Variants in PRMT7 observed in about 807,000 individuals in gnomAD.
PRMT7 encodes protein arginine methyltransferase 7.
PRMT7 carries 75 observed loss-of-function variants against 85.4 expected under a neutral mutation model. The ratio of observed to expected loss-of-function variants is 0.88; its 90% confidence interval spans 0.73 to 1.06. PRMT7 has a LOEUF of 1.06. PRMT7 is among the 50% of genes least tolerant of loss of function. PRMT7 has a pLI of 0.00. For missense variants in PRMT7, 868 were observed against 915.2 expected (o/e 0.95, Z 0.67); for synonymous variants, 397 against 359.5 (o/e 1.10, Z -1.18).
At position 68,352,422 on chromosome 16, in the gene PRMT7, G is replaced by A; in HGVS notation, c.1575+13G>A. 4 of 1,575,804 alleles carry A rather than the reference G, an allele frequency of 2.5e-6. No individual in the cohort carries two copies. Among genetic ancestry groups the A allele is most frequent in the Non-Finnish European group, 1.7e-6 (2 of 1,163,120 alleles). ...TGTGGAGTTCAGGGTAGGCCACCCA[G>A]GGGATGTTGGAGAAAAAAGCAGAGG... is the stretch of plus-strand genomic sequence containing the variant. On this transcript the variant is annotated intron_variant, in intron 15 of 18. Transcript: ENST00000441236.
intron 9 of PRMT7, among the ~76,000 whole-genome samples, chr16:68,344,447 T>A (rs568740462): frequency 6.6e-6 from 1 of 152,332 alleles, no homozygotes; most frequent in South Asian, 2.1e-4. Context: ...TCATCTCTGT[T>A]CCGGGCCCCG....
At chr16:68,355,602 A>C in intron 16 of PRMT7, 121 bp from the exon 17 acceptor site, 1 of 1,082,396 alleles carries the variant, frequency 9.2e-7, no homozygotes, top group Non-Finnish European at 1.2e-6. Context: ...GGCGCTCGGC[A>C]TCTTTATGGG....
intron 4 of PRMT7, chr16:68,324,441 T>C: frequency 1.8e-6 from 1 of 544,046 alleles, no homozygotes; most frequent in Middle Eastern, 5.0e-4. Flanking sequence ...TTTGCAGGGC[T>C]CTGGCATCAC....
At chr16:68,345,232 T>C (rs1245200702) in intron 9 of PRMT7, among the ~76,000 whole-genome samples, 2 of 152,226 alleles carry the variant, frequency 1.3e-5, no homozygotes, top group Non-Finnish European at 2.9e-5. Context: ...TCTGACTGTT[T>C]TGTAAATTCC....
chr16:68,340,050 A>AT, intron 9 of PRMT7, 82 bp downstream of exon 9: 1 of 1,404,476 alleles, frequency 7.1e-7, no homozygotes, highest in East Asian at 2.4e-5. Flanking sequence ...TGAGCCTTGG[A>AT]CCCAGGAGAA....
Position 68,358,536 on chromosome 16 carries a change from A to C in PRMT7, c.*1312A>C, listed in dbSNP as rs74024629. 6.5e-6 allele frequency: 1 copy of C among 152,774 alleles called. No individual in the cohort carries two copies. The highest frequency in any genetic ancestry group is 2.1e-4 in the South Asian group (1 of 4,834). 9.5% of individuals were successfully genotyped at this position (152,774 alleles called of 1,614,324 possible). ...AGAAAACCCCTAATGTCCCATGAAG[A>C]TACAATACAGAAAAAAATACAGAAA... On this transcript the variant is annotated 3_prime_UTR_variant, in exon 19 of 19. Coordinates refer to ENST00000441236, the MANE Select transcript of PRMT7 (RefSeq NM_019023.5).
At chr16:68,341,575 A>T (rs1342610666) in intron 9 of PRMT7, among the ~76,000 whole-genome samples, 3 of 152,000 alleles carry the variant, frequency 2.0e-5, no homozygotes, top group Non-Finnish European at 4.4e-5. Flanking sequence ...ATGCCTGGCT[A>T]ATTTTGTATT....
intron 4 of PRMT7, chr16:68,323,821 T>A (rs2082783045): frequency 6.6e-6 from 1 of 152,204 alleles, no homozygotes. Flanking sequence ...TTGCACATAT[T>A]TTTTCCATCA....
At chr16:68,312,229 A>ATATTT (rs1419393129) in intron 2 of PRMT7, 53 bp downstream of exon 2, 56 of 112,678 alleles carry the variant, frequency 5.0e-4, no homozygotes, top group African/African-American at 6.7e-4. Context: ...ATATATATAT[A>ATATTT]TTTTTTTTTT....
intron 3 of PRMT7, among the ~76,000 whole-genome samples, chr16:68,319,570 A>G (rs2082244131): frequency 6.7e-6 from 1 of 149,762 alleles, no homozygotes; most frequent in Admixed American, 6.7e-5. Context: ...GGCTTCAGAT[A>G]TAAAACCTTG....
At chr16:68,354,254 C>G (rs2151920542) in intron 16 of PRMT7, 1 of 152,406 alleles carries the variant, frequency 6.6e-6, no homozygotes, top group South Asian at 2.1e-4. Flanking sequence ...GTAGTGCACA[C>G]CTGTATTCCC....
rs779794823 is a variant in PRMT7, at chr16:68,358,497, G to A, written c.*1273G>A. 2 of 152,622 alleles carry A rather than the reference G, an allele frequency of 1.3e-5. No homozygotes were observed. The highest frequency in any genetic ancestry group is 4.8e-5 in the African/African-American group (2 of 41,442). 9.5% of individuals were successfully genotyped at this position (152,622 alleles called of 1,614,324 possible). A position where few individuals can be genotyped will look rare whatever the true frequency, so the allele number is the denominator to read the frequency against. On this transcript the variant is annotated 3_prime_UTR_variant, in exon 19 of 19. Transcript: ENST00000441236. ...TGATAATGTTTTTACCAAAACCATAGGTGTGCTTACCATAGAAAACCCCTA... is the reference window on the plus strand; with the variant it reads ...TGATAATGTTTTTACCAAAACCATAAGTGTGCTTACCATAGAAAACCCCTA...
intron 4 of PRMT7, among the ~76,000 whole-genome samples, chr16:68,322,009 G>A (rs760659931): frequency 6.6e-6 from 1 of 151,304 alleles, no homozygotes; most frequent in Non-Finnish European, 1.5e-5. Flanking sequence ...GTACAGGGGC[G>A]AGATCTCGGC....
At chr16:68,348,206 A>G (rs1016780433) in intron 13 of PRMT7, 136 bp from the exon 14 acceptor site, 18 of 721,518 alleles carry the variant, frequency 2.5e-5, no homozygotes, top group Non-Finnish European at 4.1e-5. Context: ...TTTTTCCACA[A>G]AGCAGATAAA....
chr16:68,340,534 C>T (rs3785120), intron 9 of PRMT7, among the ~76,000 whole-genome samples: 95,947 of 150,964 alleles, frequency 0.64, 30,830 homozygotes, highest in East Asian at 0.79. Flanking sequence ...TGAGTCGGGA[C>T]TGCATTACTG....
chr16:68,315,098 G>A (rs1206512152), intron 2 of PRMT7: 2 of 148,626 alleles, frequency 1.3e-5, no homozygotes, highest in Non-Finnish European at 3.0e-5. Flanking sequence ...GCAACATAAC[G>A]AGACCCCATC....
rs913140657 is a variant in PRMT7 at position 68,341,683 on chromosome 16, C to T, written c.927+1715C>T. Among the ~76,000 whole-genome samples the T allele has an allele frequency of 5.3e-5, 8 of 152,102 alleles. 1 individual carries two copies. The highest frequency in any genetic ancestry group is 2.9e-5 in the Non-Finnish European group (2 of 68,016). On this transcript the variant is annotated intron_variant, in intron 9 of 18. Coordinates refer to ENST00000441236, the MANE Select transcript of PRMT7 (RefSeq NM_019023.5). Reference sequence around the variant, plus strand: ...CCGGCCTCCCAAAGTGCTGGGATTACAGGCGTGAGCCGCTATGCCCGGCTC... The same window carrying T: ...CCGGCCTCCCAAAGTGCTGGGATTATAGGCGTGAGCCGCTATGCCCGGCTC...
At chr16:68,327,242 A>G (rs970657422) in intron 5 of PRMT7, among the ~76,000 whole-genome samples, 3 of 152,240 alleles carry the variant, frequency 2.0e-5, no homozygotes, top group African/African-American at 7.2e-5. Context: ...GGAAAATCTT[A>G]TCAGGAACAG....
At chr16:68,320,377 C>T (rs555145983) in intron 3 of PRMT7, among the ~76,000 whole-genome samples, 1 of 152,192 alleles carries the variant, frequency 6.6e-6, no homozygotes, top group Non-Finnish European at 1.5e-5. Flanking sequence ...ACGAACAGAA[C>T]TTTACCTACA....
Sources: gnomAD v4.1 joint callset for allele counts (sites outside exome capture counted in the v4.1 genomes callset) on GRCh38, gnomAD v4.1.1 for gene constraint, MANE v1.5 for transcripts, NCBI Gene and HGNC (gene_info 2026-07-23, HGNC 2026-07-21) for gene names.